TUBG1: variants seen among roughly 807,000 people sequenced by gnomAD.
TUBG1 encodes the protein tubulin gamma 1.
Under a neutral mutation model 53.3 loss-of-function variants are expected in TUBG1, and 22 were observed. That is an observed-to-expected ratio of 0.41 (90% CI 0.29 to 0.59). The LOEUF is 0.59. TUBG1 is among the 20% of genes least tolerant of loss of function. The pLI is 0.26. For missense variants in TUBG1, 217 were observed against 598.9 expected (o/e 0.36, Z 6.66); for synonymous variants, 198 against 236.7 (o/e 0.84, Z 1.50).
intron 5 of TUBG1, 27 bp downstream of exon 5, chr17:42,612,533 A>T: frequency 1.2e-6 from 2 of 1,611,594 alleles, no homozygotes; most frequent in Non-Finnish European, 1.7e-6. Flanking sequence ...GGATTAGGAA[A>T]GGTCTCCAAC....
At chr17:42,610,861 T>A (rs540435364) in intron 3 of TUBG1, 1 of 392,894 alleles carries the variant, frequency 2.5e-6, no homozygotes, top group South Asian at 9.4e-5. Flanking sequence ...CTTATCTGCC[T>A]TTCCAGGATC....
At position 42,613,954 on chromosome 17, in the gene TUBG1, C is replaced by T. The variant is rs2052056121; in HGVS notation, c.799C>T (p.His267Tyr). The change falls in exon 8 of 11, where the codon CAC becomes TAC. Residue 267 changes from histidine (H) to tyrosine (Y), a missense_variant. Around this residue, in one of 4 missense-constraint regions of TUBG1, gnomAD observed 135 missense variants for 371.2 expected, o/e 0.36. Transcript: ENST00000251413. ...IASLIPTPRL[H>Y]FLMTGYTPLT... Reference sequence around the variant, plus strand: ...CTCGCTCATTCCCACCCCACGGCTCCACTTCCTCATGACCGGCTACACCCC... The same window carrying T: ...CTCGCTCATTCCCACCCCACGGCTCTACTTCCTCATGACCGGCTACACCCC... The T allele has an allele frequency of 1.2e-6, 2 of 1,614,086 alleles. No individual in the cohort carries two copies. Among genetic ancestry groups the T allele is most frequent in the African/African-American group, 2.7e-5 (2 of 74,930 alleles).
Position 42,614,396 on chromosome 17 carries a change from A to T in TUBG1, c.980A>T (p.Glu327Val). ...GCCATCCTCAACATCATCCAGGGAG[A>T]GGTGGACCCCACCCAGGTAGGGGAG... is the stretch of plus-strand genomic sequence containing the variant. ...YIAILNIIQG[E>V]VDPTQVHKSL... Residue 327 changes from glutamate (E) to valine (V), a missense_variant, in exon 9 of 11, where the codon GAG (glutamate) becomes GTG (valine). By Grantham distance (121) the Glu-to-Val change is moderately radical (BLOSUM62 -2). This residue lies in a region of TUBG1 where 135 missense variants were observed against 371.2 expected (regional missense o/e 0.36). Coordinates refer to ENST00000251413, the MANE Select transcript of TUBG1 (RefSeq NM_001070.5). The surrounding 1 kb of genome is among the most constrained non-coding windows in gnomAD (Gnocchi z 5.1). 6.2e-7 allele frequency: 1 copy of T among 1,613,950 alleles called. No individual in the cohort carries two copies. Among genetic ancestry groups the T allele is most frequent in the Non-Finnish European group, 8.5e-7 (1 of 1,179,892 alleles).
intron 3 of TUBG1, chr17:42,610,854 A>T: frequency 2.4e-6 from 1 of 408,386 alleles, no homozygotes; most frequent in Non-Finnish European, 4.3e-6. Flanking sequence ...ACAGTCCCTT[A>T]TCTGCCTTTC....
At chr17:42,613,123 C>G (rs201081746) in intron 6 of TUBG1, 50 bp downstream of exon 6, 2 of 1,589,612 alleles carry the variant, frequency 1.3e-6, no homozygotes, top group East Asian at 4.5e-5. Flanking sequence ...CATACCCACT[C>G]GAGTCTATTA....
At position 42,613,860 on chromosome 17, in the gene TUBG1, C is replaced by T. The variant is rs2052055158; in HGVS notation, c.705C>T (p.Ile235=). Residue 235 remains isoleucine, a synonymous_variant, in exon 8 of 11, where the codon ATC becomes ATT. Transcript: ENST00000251413. The part of the protein sequence containing the change: ...FSQINQLVST[I]MSASTTTLRY... ...ACGCCTGTCCCCAGGTGTCTACCAT[C>T]ATGTCAGCCAGCACCACCACCCTGC... is the stretch of plus-strand genomic sequence containing the variant. 1 of 1,614,082 alleles carries T rather than the reference C, an allele frequency of 6.2e-7. No homozygotes were observed. Among genetic ancestry groups the T allele is most frequent in the Admixed American group, 1.7e-5 (1 of 60,002 alleles).
At position 42,610,548 on chromosome 17, in the gene TUBG1, T is replaced by C. The variant is rs747366176; in HGVS notation, c.288T>C (p.His96=). The change falls in exon 3 of 11, where the codon CAT becomes CAC. Residue 96 remains histidine, a synonymous_variant. Coordinates refer to ENST00000251413, the MANE Select transcript of TUBG1 (RefSeq NM_001070.5). ...YNPENIYLSE[H]GGGAGNNWAS... is the part of the protein sequence containing the mutation. ...CAGAGAACATCTACCTGTCGGAACA[T>C]GGAGGAGGAGCTGGCAACAACTGGG... 5 of 1,614,054 alleles carry C rather than the reference T, an allele frequency of 3.1e-6. No individual in the cohort carries two copies. Among genetic ancestry groups the C allele is most frequent in the Non-Finnish European group, 4.2e-6 (5 of 1,179,992 alleles).
intron 6 of TUBG1, 55 bp downstream of exon 6, chr17:42,613,128 C>G (rs1026606369): frequency 1.3e-6 from 2 of 1,581,090 alleles, no homozygotes; most frequent in African/African-American, 2.7e-5. Context: ...CCACTCGAGT[C>G]TATTAAATCA....
In TUBG1 at chr17:42,614,511, C is replaced by T; in HGVS notation, c.1012C>T (p.Gln338Ter). The change falls in exon 10 of 11, where the codon CAG becomes TAG. Residue 338 changes from glutamine to a stop codon, truncating the protein, a stop_gained. Coordinates refer to ENST00000251413, the MANE Select transcript of TUBG1 (RefSeq NM_001070.5). LOFTEE classifies it high-confidence loss of function. This position sits in a 1 kb window ranked among gnomAD's most constrained non-coding sequence, Gnocchi z 5.1. ...CCCACCCCAGGTCCACAAGAGCTTG[C>T]AGAGGATCCGGGAACGCAAGTTGGC... ...VDPTQVHKSL[Q>*]RIRERKLANF... is the part of the protein sequence containing the mutation. 6.2e-7 allele frequency: 1 copy of T among 1,613,394 alleles called. No individual in the cohort carries two copies.
intron 3 of TUBG1, 137 bp from the exon 4 acceptor site, chr17:42,611,938 C>A: frequency 1.4e-6 from 1 of 712,008 alleles, no homozygotes; most frequent in Non-Finnish European, 2.4e-6. Flanking sequence ...TACTGCCTCT[C>A]AATGTAGATA....
At position 42,614,233 on chromosome 17, in the gene TUBG1, C is replaced by A. The variant is rs376735878; in HGVS notation, c.844-27C>A. 4 of 1,613,720 alleles carry A rather than the reference C, an allele frequency of 2.5e-6. No individual in the cohort carries two copies. The East Asian group carries it at 8.9e-5, about 36-fold the overall frequency. ...GGGGGACTGTGCCCTGAGCGCTGGC[C>A]GGGTCCCTGTCTCACTGTCCTATCA... On this transcript the variant is annotated intron_variant, in intron 8 of 10. Coordinates refer to ENST00000251413, the MANE Select transcript of TUBG1 (RefSeq NM_001070.5). This position sits in a 1 kb window ranked among gnomAD's most constrained non-coding sequence, Gnocchi z 5.1.
chr17:42,613,415 C>A (rs1433502384), intron 6 of TUBG1, among the ~76,000 whole-genome samples: 1 of 151,696 alleles, frequency 6.6e-6, no homozygotes, highest in Non-Finnish European at 1.5e-5. Context: ...AAAGTGAAAC[C>A]CTGTCTCAAA....
At chr17:42,612,257 A>G (rs1285878209) in intron 4 of TUBG1, 114 bp downstream of exon 4, 1 of 1,329,406 alleles carries the variant, frequency 7.5e-7, no homozygotes, top group African/African-American at 1.4e-5. Flanking sequence ...ACTGGACAGA[A>G]GCTATCAGGC....
intron 3 of TUBG1, 21 bp from the exon 4 acceptor site, chr17:42,612,054 C>G: frequency 1.2e-6 from 2 of 1,613,242 alleles, no homozygotes; most frequent in Admixed American, 1.7e-5. Context: ...CCCACTCTGA[C>G]CCTCCCCTAT....
chr17:42,612,655 G>A, intron 5 of TUBG1, 149 bp downstream of exon 5: 1 of 823,238 alleles, frequency 1.2e-6, no homozygotes, highest in Non-Finnish European at 1.9e-6. Context: ...TACAATGACT[G>A]AGAACCCCAT....
chr17:42,613,562 G>A, intron 6 of TUBG1, 85 bp from the exon 7 acceptor site: 1 of 1,596,098 alleles, frequency 6.3e-7, no homozygotes, highest in Non-Finnish European at 8.6e-7. Context: ...AAGCTCAAAG[G>A]AAATTAAGCT....
At chr17:42,610,616 C>G in intron 3 of TUBG1, 26 bp downstream of exon 3, 1 of 1,614,074 alleles carries the variant, frequency 6.2e-7, no homozygotes, top group South Asian at 1.1e-5. Flanking sequence ...CTGGCAGGGC[C>G]CACAACTCGC....
At position 42,609,777 on chromosome 17, in the gene TUBG1, G is replaced by A; in HGVS notation, c.40G>A (p.Gly14Ser). The A allele has an allele frequency of 6.4e-7, 1 of 1,551,476 alleles. No homozygotes were observed. The highest frequency in any genetic ancestry group is 8.7e-7 in the Non-Finnish European group (1 of 1,146,866). Residue 14 changes from glycine (G) to serine (S), a missense_variant, in exon 1 of 11, where the codon GGC becomes AGC. Around this residue, in one of 4 missense-constraint regions of TUBG1, gnomAD observed 57 missense variants for 169.3 expected, o/e 0.34. Coordinates refer to ENST00000251413, the MANE Select transcript of TUBG1 (RefSeq NM_001070.5). ...CATCACCCTACAGTTGGGCCAGTGC[G>A]GCAATCAGAGTGAGCGAAACTCCGG... ...EIITLQLGQC[G>S]NQIGFEFWKQ...
chr17:42,610,137 G>A lies in TUBG1; in HGVS notation c.79G>A (p.Ala27Thr), dbSNP rs1382017174. ...GTTCGAGTTCTGGAAACAGCTGTGCGCCGAGCATGGTATCAGCCCCGAGGG... is the reference window on the plus strand; with the variant it reads ...GTTCGAGTTCTGGAAACAGCTGTGCACCGAGCATGGTATCAGCCCCGAGGG... ...IGFEFWKQLC[A>T]EHGISPEGIV... The change falls in exon 2 of 11, where the codon GCC becomes ACC. Residue 27 changes from alanine to threonine, a missense_variant. Around this residue, in one of 4 missense-constraint regions of TUBG1, gnomAD observed 57 missense variants for 169.3 expected, o/e 0.34. Transcript: ENST00000251413. 6.2e-7 allele frequency: 1 copy of A among 1,614,230 alleles called. No individual in the cohort carries two copies. Among genetic ancestry groups the A allele is most frequent in the South Asian group, 1.1e-5 (1 of 91,082 alleles).
Sources: gnomAD v4.1 joint callset for allele counts (sites outside exome capture counted in the v4.1 genomes callset) on GRCh38, gnomAD v4.1.1 for gene constraint, gnomAD v4.1.1 regional missense constraint, Gnocchi (gnomAD v3.1) non-coding constraint, MANE v1.5 for transcripts, NCBI Gene and HGNC (gene_info 2026-07-23, HGNC 2026-07-21) for gene names.